EYA4: variants seen among roughly 807,000 people sequenced by gnomAD.
The protein encoded by EYA4 is protein phosphatase EYA4.
In EYA4, 31 loss-of-function variants were observed where a neutral mutation model predicts 87.9. That is an observed-to-expected ratio of 0.35 (90% CI 0.27 to 0.48). EYA4 has a LOEUF of 0.48. Ranked by LOEUF, EYA4 falls within the 20% of genes least tolerant of loss-of-function variation. The pLI, the probability that EYA4 is intolerant of heterozygous loss-of-function variation, is 0.99. For synonymous variants in EYA4, 263 were observed against 270.6 expected (o/e 0.97, Z 0.28); for missense variants, 678 against 761.4 (o/e 0.89, Z 1.29).
intron 2 of EYA4, among the ~76,000 whole-genome samples, chr6:133,342,133 A>G (rs1299896069): frequency 1.3e-5 from 2 of 152,028 alleles, no homozygotes; most frequent in Non-Finnish European, 2.9e-5. Flanking sequence ...TCAAGATCAT[A>G]AAATTACAGA....
intron 2 of EYA4, among the ~76,000 whole-genome samples, chr6:133,358,840 A>G (rs534775503): frequency 6.6e-6 from 1 of 152,306 alleles, no homozygotes; most frequent in Admixed American, 6.5e-5. Flanking sequence ...TGCTAAGAAG[A>G]AAAACAAGAG....
chr6:133,254,027 C>A (rs752429686), intron 1 of EYA4, among the ~76,000 whole-genome samples: 1 of 152,140 alleles, frequency 6.6e-6, no homozygotes, highest in African/African-American at 2.4e-5. Flanking sequence ...TTCTCTTTTG[C>A]TTGTGGTCAT....
intron 2 of EYA4, among the ~76,000 whole-genome samples, chr6:133,339,932 A>G (rs1296680240): frequency 6.6e-6 from 1 of 152,180 alleles, no homozygotes; most frequent in Non-Finnish European, 1.5e-5. Context: ...GACGGTGGCC[A>G]AGGATGGATT....
At chr6:133,450,506 CTTTA>C (rs1424636451) in intron 5 of EYA4, among the ~76,000 whole-genome samples, 1 of 151,966 alleles carries the variant, frequency 6.6e-6, no homozygotes, top group Non-Finnish European at 1.5e-5. Context: ...CAAAAAGATT[CTTTA>C]TTTATTTATT....
At chr6:133,301,141 G>A (rs1779371318) in intron 2 of EYA4, among the ~76,000 whole-genome samples, 1 of 152,030 alleles carries the variant, frequency 6.6e-6, no homozygotes, top group South Asian at 2.1e-4. Context: ...CGTTCTGTAT[G>A]AGGGTTTTTT....
At position 133,468,721 on chromosome 6, in the gene EYA4, T is replaced by A; in HGVS notation, c.960T>A (p.Thr320=). 6.2e-7 allele frequency: 1 copy of A among 1,612,986 alleles called. No individual in the cohort carries two copies. Among genetic ancestry groups the A allele is most frequent in the South Asian group, 1.1e-5 (1 of 91,064 alleles). ...YQLQESLPGL[T]NQPGEFDTMQ... ...TGCAGGAATCTCTCCCAGGACTGAC[T>A]AACCAACCAGGTACAGATCTTCACC... is the stretch of plus-strand genomic sequence containing the variant. The change falls in exon 11 of 20, where the codon ACT becomes ACA. Residue 320 remains threonine, a synonymous_variant. Transcript: ENST00000355286.
At chr6:133,404,534 C>T (rs888988131) in intron 3 of EYA4, among the ~76,000 whole-genome samples, 8 of 152,126 alleles carry the variant, frequency 5.3e-5, no homozygotes, top group African/African-American at 1.9e-4. Context: ...ATCTACTACA[C>T]TGTAGATTCT....
chr6:133,341,011 A>C (rs1368960279), intron 2 of EYA4, among the ~76,000 whole-genome samples: 1 of 152,210 alleles, frequency 6.6e-6, no homozygotes, highest in Non-Finnish European at 1.5e-5. Context: ...GTTATTTATC[A>C]TGGAGCGCAA....
intron 2 of EYA4, among the ~76,000 whole-genome samples, chr6:133,336,549 T>A (rs1782380444): frequency 6.6e-6 from 1 of 152,184 alleles, no homozygotes; most frequent in Non-Finnish European, 1.5e-5. Context: ...AGAGTGGATA[T>A]TTCAGACAAG....
chr6:133,269,185 C>T (rs141160954), intron 1 of EYA4, among the ~76,000 whole-genome samples: 5 of 152,176 alleles, frequency 3.3e-5, no homozygotes, highest in East Asian at 1.9e-4. Context: ...CTTGAACCCA[C>T]GAGGCAGAGG....
intron 11 of EYA4, among the ~76,000 whole-genome samples, chr6:133,476,372 G>A (rs1162730667): frequency 6.6e-6 from 1 of 151,976 alleles, no homozygotes; most frequent in East Asian, 1.9e-4. Context: ...TCTAGCTGAA[G>A]TGTTATATCC....
Position 133,501,225 on chromosome 6 carries a change from T to A in EYA4, c.1192-4881T>A, listed in dbSNP as rs142913614. On this transcript the variant is annotated intron_variant, in intron 13 of 19. Transcript: ENST00000355286. ...CACTCATCCTCATCACTTCTGTATCTGCTTGTCCTGGTTTTTCTTTCATAG... is the reference window on the plus strand; with the variant it reads ...CACTCATCCTCATCACTTCTGTATCAGCTTGTCCTGGTTTTTCTTTCATAG... Among the ~76,000 whole-genome samples, 72 of 152,156 alleles carry A rather than the reference T, an allele frequency of 4.7e-4. No homozygotes were observed. The East Asian group carries it at 6.8e-3, about 14-fold the overall frequency.
intron 3 of EYA4, among the ~76,000 whole-genome samples, chr6:133,434,855 A>T (rs1276660213): frequency 6.6e-6 from 1 of 152,190 alleles, no homozygotes; most frequent in Non-Finnish European, 1.5e-5. Flanking sequence ...TTCTTAGTAC[A>T]ATTGATGGCA....
At chr6:133,449,821 G>A (rs538531408) in intron 5 of EYA4, among the ~76,000 whole-genome samples, 2 of 152,270 alleles carry the variant, frequency 1.3e-5, no homozygotes, top group East Asian at 1.9e-4. Context: ...ATGAAAATAT[G>A]CATTGTGTTA....
intron 2 of EYA4, among the ~76,000 whole-genome samples, chr6:133,288,411 G>A (rs1270315626): frequency 6.6e-6 from 1 of 152,162 alleles, no homozygotes; most frequent in Non-Finnish European, 1.5e-5. Context: ...AGGAGGAAGG[G>A]CAAGGGGTGG....
chr6:133,334,630 A>C (rs1355995229), intron 2 of EYA4, among the ~76,000 whole-genome samples: 1 of 152,202 alleles, frequency 6.6e-6, no homozygotes, highest in Non-Finnish European at 1.5e-5. Context: ...GTTTTCCTAC[A>C]TGAGTCTGCA....
chr6:133,417,664 C>T (rs1234833430), intron 3 of EYA4, among the ~76,000 whole-genome samples: 2 of 151,710 alleles, frequency 1.3e-5, no homozygotes, highest in African/African-American at 4.9e-5. Context: ...ATATTCATAA[C>T]ATGCATATCA....
At chr6:133,342,335 C>T (rs1184975767) in intron 2 of EYA4, among the ~76,000 whole-genome samples, 1 of 145,348 alleles carries the variant, frequency 6.9e-6, no homozygotes, top group Non-Finnish European at 1.5e-5. Flanking sequence ...AAGGGAGGGT[C>T]CAGTACCCAG....
At chr6:133,398,597 A>C (rs1306223174) in intron 3 of EYA4, among the ~76,000 whole-genome samples, 1 of 152,090 alleles carries the variant, frequency 6.6e-6, no homozygotes, top group Non-Finnish European at 1.5e-5. Flanking sequence ...TAAGTGTGAC[A>C]TGTGTTTTTT....
Sources: allele counts gnomAD v4.1 joint callset (sites outside exome capture counted in the v4.1 genomes callset), GRCh38; gene constraint gnomAD v4.1.1; transcripts MANE v1.5; gene names NCBI Gene and HGNC (gene_info 2026-07-23, HGNC 2026-07-21).